Variants in CELF2 observed in about 807,000 individuals in gnomAD.
CELF2 encodes the protein CUGBP Elav-like family member 2.
CELF2 carries 8 observed loss-of-function variants against 62.6 expected under a neutral mutation model. That is an observed-to-expected ratio of 0.13 (90% CI 0.07 to 0.23). The LOEUF is 0.23. Ranked by LOEUF, CELF2 falls within the 10% of genes least tolerant of loss-of-function variation. The pLI, the probability that CELF2 is intolerant of heterozygous loss-of-function variation, is 1.00. For synonymous variants in CELF2, 258 were observed against 250.0 expected, an observed-to-expected ratio of 1.03 and a Z score of -0.30; for missense variants, 333 against 671.0, an observed-to-expected ratio of 0.50 and a Z score of 5.56.
chr10:10,910,652 A>G (rs759254184), intron 1 of CELF2, among the ~76,000 whole-genome samples: 6 of 138,076 alleles, frequency 4.3e-5, no homozygotes, highest in Non-Finnish European at 6.0e-5. Flanking sequence ...GTGAGCCGAG[A>G]TCGTGCCACT....
chr10:10,989,287 A>C (rs2136633756), intron 2 of CELF2, among the ~76,000 whole-genome samples: 1 of 152,268 alleles, frequency 6.6e-6, no homozygotes, highest in African/African-American at 2.4e-5. Context: ...GTTCGCTTTG[A>C]AAGGGAAGCA....
intron 1 of CELF2, among the ~76,000 whole-genome samples, chr10:11,018,462 C>T (rs1345933416): frequency 6.7e-6 from 1 of 149,724 alleles, no homozygotes; most frequent in Admixed American, 6.6e-5. Context: ...CGCGGCGTCC[C>T]GGGTCCCCGC....
rs1021488978 is a variant in CELF2, at chr10:10,928,235, T to C, written c.89+8236T>C. Among the ~76,000 whole-genome samples, 3 of 152,234 alleles carry C rather than the reference T, an allele frequency of 2.0e-5. No homozygotes were observed. The highest frequency in any genetic ancestry group is 4.4e-5 in the Non-Finnish European group (3 of 68,044). Reference sequence around the variant, plus strand: ...CTCCCTTGCCTGTCCGGTTTATTCCTCCATTTGTAGGACCCTGAACAGAAC... The same window carrying C: ...CTCCCTTGCCTGTCCGGTTTATTCCCCCATTTGTAGGACCCTGAACAGAAC... On this transcript the variant is annotated intron_variant, in intron 2 of 13. Transcript: ENST00000636488. This position sits in a 1 kb window ranked among gnomAD's most constrained non-coding sequence, Gnocchi z 4.8.
At chr10:10,524,783 T>A in the CELF2 span, among the ~76,000 whole-genome samples, 1 of 152,210 alleles carries the variant, frequency 6.6e-6, no homozygotes, top group African/African-American at 2.4e-5. Context: ...TTTCAAACTT[T>A]GGATGAAATG....
the CELF2 span, among the ~76,000 whole-genome samples, chr10:10,606,669 CATA>C: frequency 6.6e-6 from 1 of 152,100 alleles, no homozygotes; most frequent in Non-Finnish European, 1.5e-5. Context: ...TTTTGCGAAA[CATA>C]TTATATTGGT....
chr10:10,879,834 C>T (rs1397282319), intron 1 of CELF2, among the ~76,000 whole-genome samples: 4 of 152,154 alleles, frequency 2.6e-5, no homozygotes, highest in Non-Finnish European at 5.9e-5. Context: ...TCCCCCAACT[C>T]CACACCTGCC....
intron 7 of CELF2, among the ~76,000 whole-genome samples, chr10:11,273,029 T>C (rs1011288445): frequency 6.6e-6 from 1 of 152,162 alleles, no homozygotes; most frequent in Non-Finnish European, 1.5e-5. Context: ...AGTCCCTAGC[T>C]TTCCCACCCC....
At chr10:11,186,656 A>C (rs1411721280) in intron 2 of CELF2, among the ~76,000 whole-genome samples, 5 of 152,178 alleles carry the variant, frequency 3.3e-5, no homozygotes, top group Non-Finnish European at 7.4e-5. Context: ...CAAACTTTGA[A>C]ATGCTCTAAA....
chr10:11,286,608 A>G (rs1336114549), intron 8 of CELF2, among the ~76,000 whole-genome samples: 1 of 152,142 alleles, frequency 6.6e-6, no homozygotes, highest in East Asian at 1.9e-4. Context: ...TATTTCCTCC[A>G]TTTTCCTAAA....
At chr10:10,694,596 A>AATGCC in the CELF2 span, among the ~76,000 whole-genome samples, 1 of 151,882 alleles carries the variant, frequency 6.6e-6, no homozygotes, top group Admixed American at 6.6e-5. Context: ...TGATCTGTCT[A>AATGCC]ATGTTGACAG....
chr10:10,495,617 T>C, the CELF2 span, among the ~76,000 whole-genome samples: 1 of 152,206 alleles, frequency 6.6e-6, no homozygotes, highest in Admixed American at 6.5e-5. Context: ...TCTTGCTTTC[T>C]CCCCTTCCTC....
At chr10:11,222,908 ATG>A in intron 3 of CELF2, among the ~76,000 whole-genome samples, 1 of 152,358 alleles carries the variant, frequency 6.6e-6, no homozygotes, top group Non-Finnish European at 1.5e-5. Context: ...AGATCTATAT[ATG>A]TGTATGTCTA....
chr10:11,201,389 C>G (rs1490779254), intron 2 of CELF2, among the ~76,000 whole-genome samples: 1 of 152,198 alleles, frequency 6.6e-6, no homozygotes, highest in African/African-American at 2.4e-5. Flanking sequence ...TCCATCTTGT[C>G]ACTCTACCAT....
At chr10:10,754,063 T>TTTTTTTG in the CELF2 span, among the ~76,000 whole-genome samples, 556 of 69,984 alleles carry the variant, frequency 7.9e-3, 4 homozygotes, top group African/African-American at 0.025. Flanking sequence ...CTGAGGTGGT[T>TTTTTTTG]TTTTTTTTTT....
intron 1 of CELF2, among the ~76,000 whole-genome samples, chr10:10,861,938 A>G (rs1198484884): frequency 1.3e-5 from 2 of 152,198 alleles, no homozygotes; most frequent in Non-Finnish European, 2.9e-5. Context: ...TGGCAGAGTC[A>G]ACCTATTTTC....
At chr10:10,633,989 A>G in the CELF2 span, among the ~76,000 whole-genome samples, 1 of 152,114 alleles carries the variant, frequency 6.6e-6, no homozygotes, top group African/African-American at 2.4e-5. Context: ...TTAAATTGTT[A>G]TAGTTATTTT....
the CELF2 span, among the ~76,000 whole-genome samples, chr10:10,675,279 C>G: frequency 6.6e-6 from 1 of 152,138 alleles, no homozygotes; most frequent in Admixed American, 6.5e-5. Context: ...TTGCTGGTTT[C>G]TTTCTCTCAA....
intron 1 of CELF2, among the ~76,000 whole-genome samples, chr10:10,875,570 G>T (rs146213932): frequency 5.3e-5 from 8 of 152,292 alleles, no homozygotes; most frequent in African/African-American, 1.9e-4. Flanking sequence ...TTACTGTAGC[G>T]TAGGAGGGTT....
chr10:10,593,890 A>G, the CELF2 span, among the ~76,000 whole-genome samples: 2 of 152,192 alleles, frequency 1.3e-5, no homozygotes, highest in Non-Finnish European at 2.9e-5. Flanking sequence ...GGATACAATA[A>G]CACCAAATGC....
Sources: gnomAD v4.1 joint callset for allele counts (sites outside exome capture counted in the v4.1 genomes callset) on GRCh38, gnomAD v4.1.1 for gene constraint, Gnocchi (gnomAD v3.1) non-coding constraint, MANE v1.5 for transcripts, NCBI Gene and HGNC (gene_info 2026-07-23, HGNC 2026-07-21) for gene names.